The following SPNS3 variants were observed in gnomAD, a reference collection of about 807,000 sequenced individuals.
The protein encoded by SPNS3 is SPNS lysolipid transporter 3, sphingosine-1-phosphate (putative).
SPNS3 carries 51 observed loss-of-function variants against 54.4 expected under a neutral mutation model. The ratio of observed to expected loss-of-function variants is 0.94; its 90% CI spans 0.75 to 1.18. The LOEUF is 1.18. SPNS3 is among the 50% of genes most tolerant of loss of function. The pLI is 0.00. For missense variants in SPNS3, 669 were observed against 677.4 expected (o/e 0.99, Z 0.14); for synonymous variants, 309 against 294.7 (o/e 1.05, Z -0.50).
chr17:4,469,939 C>T (rs867707104), intron 8 of SPNS3, among the ~76,000 whole-genome samples: 7 of 152,194 alleles, frequency 4.6e-5, no homozygotes, highest in Middle Eastern at 3.4e-3. Flanking sequence ...CCGTTATTCA[C>T]GTTTTCATCT....
chr17:4,449,092 G>A lies in SPNS3; in HGVS notation c.771-143G>A, dbSNP rs923724535. ...TCAGTTTGCCTATCTGTAAAGAGGG[G>A]GTAGCAAATGCTACCTATGGAATCT... On this transcript the variant is annotated intron_variant, in intron 6 of 11. Transcript: ENST00000355530. 2.5e-5 allele frequency: 23 copies of A among 937,796 alleles called. No individual in the cohort carries two copies. The African/African-American group carries it at 3.9e-4, about 16-fold the overall frequency. 58.1% of individuals were successfully genotyped at this position (937,796 alleles called of 1,614,324 possible). A position where few individuals can be genotyped will look rare whatever the true frequency, so the allele number is the denominator to read the frequency against.
chr17:4,462,934 A>G (rs1971576675), intron 8 of SPNS3, among the ~76,000 whole-genome samples: 1 of 143,354 alleles, frequency 7.0e-6, no homozygotes, highest in Non-Finnish European at 1.5e-5. Context: ...TCCTTCCTGC[A>G]TGATTTCTGC....
chr17:4,439,105 G>A (rs1211369444), intron 1 of SPNS3, among the ~76,000 whole-genome samples: 1 of 151,934 alleles, frequency 6.6e-6, no homozygotes, highest in Non-Finnish European at 1.5e-5. Flanking sequence ...GTGCCTTTGG[G>A]ATGCTTCTTT....
At chr17:4,479,560 G>A (rs1041087375) in intron 9 of SPNS3, among the ~76,000 whole-genome samples, 1 of 152,254 alleles carries the variant, frequency 6.6e-6, no homozygotes, top group Admixed American at 6.5e-5. Context: ...GAAGGGCTGT[G>A]CCTTTGTAGA....
At chr17:4,462,808 T>C (rs1971567768) in intron 8 of SPNS3, among the ~76,000 whole-genome samples, 1 of 97,778 alleles carries the variant, frequency 1.0e-5, no homozygotes, top group African/African-American at 4.6e-5. Context: ...CATCCACCAA[T>C]CTATCCATCC....
chr17:4,439,951 G>A (rs1010950776), intron 2 of SPNS3, among the ~76,000 whole-genome samples: 2 of 152,164 alleles, frequency 1.3e-5, no homozygotes, highest in African/African-American at 4.8e-5. Context: ...AGGGGGAGGT[G>A]GGGCTGGGAG....
In SPNS3 at chr17:4,488,193, T is replaced by A; in HGVS notation, c.*299T>A. 1 of 405,482 alleles carries A rather than the reference T, an allele frequency of 2.5e-6. No homozygotes were observed. The highest frequency in any genetic ancestry group is 4.6e-5 in the East Asian group (1 of 21,850). The allele number at this position is 405,482 out of a possible 1,614,324, so 25.1% of individuals were successfully genotyped here. A position where few individuals can be genotyped will look rare whatever the true frequency, so the allele number is the denominator to read the frequency against. ...AGAGGCCAGTACAAAGCCCATGGAT[T>A]TTGGGCCTGTAGACAGCCGTGTTAT... On this transcript the variant is annotated 3_prime_UTR_variant, in exon 12 of 12. Transcript: ENST00000355530.
Position 4,445,171 on chromosome 17 carries a change from A to G in SPNS3, c.402+3A>G, listed in dbSNP as rs942453875. On this transcript the variant is annotated splice_donor_region_variant and intron_variant, in intron 3 of 11. Transcript: ENST00000355530. The stretch of plus-strand genomic sequence containing the variant: ...CTAGCTCCTTCATCTCCCCCCGGGT[A>G]CGTGTCCATGCCCCTGTCCAGGCCC... 15 of 1,611,790 alleles carry G rather than the reference A, an allele frequency of 9.3e-6. No homozygotes were observed. Among genetic ancestry groups the G allele is most frequent in the Non-Finnish European group, 1.3e-5 (15 of 1,178,536 alleles).
At chr17:4,443,219 C>T (rs1338657564) in intron 2 of SPNS3, among the ~76,000 whole-genome samples, 10 of 152,036 alleles carry the variant, frequency 6.6e-5, no homozygotes, top group East Asian at 1.9e-4. Context: ...TACAGGCGCC[C>T]GCCACCATGC....
intron 8 of SPNS3, among the ~76,000 whole-genome samples, chr17:4,464,934 G>A (rs113663511): frequency 0.08 from 12,157 of 152,182 alleles, 1,478 homozygotes; most frequent in African/African-American, 0.27. Context: ...ACCCGCCTCG[G>A]CCTCCCAGAG....
At chr17:4,458,403 TTTCC>T (rs1387111794) in intron 8 of SPNS3, among the ~76,000 whole-genome samples, 1 of 120,420 alleles carries the variant, frequency 8.3e-6, no homozygotes, top group Non-Finnish European at 1.9e-5. Context: ...TCTTTCTTTC[TTTCC>T]ATTTTCTTTT....
At chr17:4,436,242 C>T (rs1175627283) in intron 1 of SPNS3, among the ~76,000 whole-genome samples, 1 of 152,142 alleles carries the variant, frequency 6.6e-6, no homozygotes, top group Non-Finnish European at 1.5e-5. Flanking sequence ...GAGACCTGGG[C>T]ATCGATCTGT....
intron 8 of SPNS3, among the ~76,000 whole-genome samples, chr17:4,463,159 G>A (rs1310901149): frequency 1.3e-5 from 2 of 152,054 alleles, no homozygotes. Context: ...AACACTTTGG[G>A]AGGCAAGGTG....
intron 8 of SPNS3, among the ~76,000 whole-genome samples, chr17:4,458,912 C>A: frequency 6.6e-6 from 1 of 151,998 alleles, no homozygotes; most frequent in Non-Finnish European, 1.5e-5. Flanking sequence ...CCCCTTATCC[C>A]GGCATTTAAA....
chr17:4,470,225 T>C (rs920382823), intron 8 of SPNS3, among the ~76,000 whole-genome samples: 2 of 151,982 alleles, frequency 1.3e-5, no homozygotes, highest in Non-Finnish European at 2.9e-5. Context: ...GGTCAGGAGT[T>C]CGAGACCAGC....
chr17:4,462,971 C>G lies in SPNS3; in HGVS notation c.1113+9766C>G, dbSNP rs949064497. ...GTTGAAGGAGTAAGTCCTGGGGAGA[C>G]AGGCTCCAAACTCTTCTTGGGAAGG... On this transcript the variant is annotated intron_variant, in intron 8 of 11. Transcript: ENST00000355530. 2.0e-5 allele frequency among the ~76,000 whole-genome samples: 3 copies of G among 151,194 alleles called. No homozygotes were observed. The Admixed American group carries it at 2.0e-4, about 10-fold the overall frequency.
At chr17:4,448,059 T>G in intron 5 of SPNS3, 96 bp from the exon 6 acceptor site, 1 of 1,268,610 alleles carries the variant, frequency 7.9e-7, no homozygotes, top group Non-Finnish European at 1.0e-6. Context: ...AAACCAGAGG[T>G]CAGCCACTGG....
rs1019145662 is a variant in SPNS3, at chr17:4,475,534, G to A, written c.1114-3038G>A. Among the ~76,000 whole-genome samples the A allele has an allele frequency of 2.0e-5, 3 of 152,242 alleles. No individual in the cohort carries two copies. In the East Asian group the frequency reaches 5.8e-4, roughly 29 times the overall value. Reference sequence around the variant, plus strand: ...CCCCCCAACCCCAGCGTCTGGCCTGGGTGATGGGGAGCAGGTGCTATTCCT... The same window carrying A: ...CCCCCCAACCCCAGCGTCTGGCCTGAGTGATGGGGAGCAGGTGCTATTCCT... On this transcript the variant is annotated intron_variant, in intron 8 of 11. Coordinates refer to ENST00000355530, the MANE Select transcript of SPNS3 (RefSeq NM_182538.5).
At chr17:4,471,211 A>C (rs937282186) in intron 8 of SPNS3, among the ~76,000 whole-genome samples, 4 of 152,192 alleles carry the variant, frequency 2.6e-5, no homozygotes, top group Admixed American at 2.6e-4. Context: ...GGCGTGAGCC[A>C]CTGTGCCTGG....
Sources: allele counts gnomAD v4.1 joint callset (sites outside exome capture counted in the v4.1 genomes callset), GRCh38; gene constraint gnomAD v4.1.1; transcripts MANE v1.5; gene names NCBI Gene and HGNC (gene_info 2026-07-23, HGNC 2026-07-21).